The following CELA1 variants were observed in gnomAD, a reference collection of about 807,000 sequenced individuals.
CELA1 encodes the protein chymotrypsin-like elastase family member 1.
A neutral mutation model predicts 34.8 loss-of-function variants in CELA1; 28 were observed. The observed-to-expected ratio is 0.80, with a 90% CI of 0.60 to 1.10. The LOEUF (loss-of-function observed/expected upper bound fraction) is 1.10. Among genes scored for constraint, CELA1 ranks in the 50% least tolerant of loss-of-function variants. The probability of loss-of-function intolerance (pLI) is 0.00; values close to 1 mark genes in which losing one functional copy is unlikely to be tolerated. For synonymous variants in CELA1, 140 were observed against 129.8 expected (o/e 1.08, Z -0.53); for missense variants, 288 against 327.5 (o/e 0.88, Z 0.93).
At chr12:51,342,062 CAG>C (rs1264180804) in intron 4 of CELA1, among the ~76,000 whole-genome samples, 1 of 152,284 alleles carries the variant, frequency 6.6e-6, no homozygotes, top group African/African-American at 2.4e-5. Context: ...TCTTATGAGA[CAG>C]AGTCTCACTC....
intron 2 of CELA1, among the ~76,000 whole-genome samples, chr12:51,344,390 C>T (rs1946554298): frequency 6.6e-6 from 1 of 152,218 alleles, no homozygotes; most frequent in Non-Finnish European, 1.5e-5. Context: ...TACCTCTGTT[C>T]TCCCTTAAAG....
intron 6 of CELA1, among the ~76,000 whole-genome samples, chr12:51,338,248 A>G (rs2137479583): frequency 8.3e-6 from 1 of 119,782 alleles, no homozygotes; most frequent in South Asian, 2.8e-4. Flanking sequence ...AGGAAAAAAA[A>G]AAAACATACA....
chr12:51,340,308 T>C (rs1946525885), intron 5 of CELA1, among the ~76,000 whole-genome samples: 1 of 152,128 alleles, frequency 6.6e-6, no homozygotes, highest in African/African-American at 2.4e-5. Flanking sequence ...GTGGATGATT[T>C]ATCTGTCTGT....
At chr12:51,336,803 G>A (rs777960737) in intron 6 of CELA1, among the ~76,000 whole-genome samples, 4 of 152,186 alleles carry the variant, frequency 2.6e-5, no homozygotes, top group Admixed American at 6.5e-5. Context: ...ATGCTTGGCT[G>A]TTGTTCCAGA....
chr12:51,341,958 AG>A (rs1218481756), intron 4 of CELA1, among the ~76,000 whole-genome samples: 1 of 152,212 alleles, frequency 6.6e-6, no homozygotes, highest in Non-Finnish European at 1.5e-5. Flanking sequence ...AAATCTGCAG[AG>A]AATGGTAATC....
chr12:51,344,075 C>T (rs1946552984), intron 2 of CELA1, among the ~76,000 whole-genome samples: 1 of 152,204 alleles, frequency 6.6e-6, no homozygotes, highest in South Asian at 2.1e-4. Flanking sequence ...CCTCAAACTA[C>T]ATGTCACCTC....
intron 3 of CELA1, 112 bp from the exon 4 acceptor site, chr12:51,342,812 ATTTTT>A: frequency 2.0e-6 from 2 of 990,914 alleles, no homozygotes; most frequent in Non-Finnish European, 2.7e-6. Flanking sequence ...TATTTAGGAA[ATTTTT>A]TTTTTTTTTT....
At chr12:51,332,390 C>T (rs1385411194) in intron 6 of CELA1, among the ~76,000 whole-genome samples, 1 of 134,850 alleles carries the variant, frequency 7.4e-6, no homozygotes, top group Non-Finnish European at 1.6e-5. Flanking sequence ...AAGAGAATCA[C>T]ATCTGCCATA....
rs779933985 is a variant in CELA1, at chr12:51,329,679, C to T, written c.759+5G>A. On this transcript the variant is annotated splice_donor_5th_base_variant and intron_variant, in intron 7 of 7. Transcript: ENST00000293636. ...CATTTCAACCCATCATTTGAGAGGA[C>T]TCACATTATTTATCCAGGAGATGTA... 5 of 1,605,626 alleles carry T rather than the reference C, an allele frequency of 3.1e-6. No homozygotes were observed. The East Asian group carries it at 1.1e-4, about 36-fold the overall frequency.
At chr12:51,336,035 A>G (rs1946498230) in intron 6 of CELA1, among the ~76,000 whole-genome samples, 1 of 152,196 alleles carries the variant, frequency 6.6e-6, no homozygotes, top group Admixed American at 6.5e-5. Context: ...ACAATTGCCA[A>G]AGTGGCCACT....
chr12:51,334,525 C>G (rs965968834), intron 6 of CELA1, among the ~76,000 whole-genome samples: 15 of 152,156 alleles, frequency 9.9e-5, no homozygotes, highest in Non-Finnish European at 8.8e-5. Context: ...GCTCCACCTC[C>G]CCGGTTCACA....
At chr12:51,334,000 G>A (rs1946486812) in intron 6 of CELA1, among the ~76,000 whole-genome samples, 1 of 152,186 alleles carries the variant, frequency 6.6e-6, no homozygotes, top group South Asian at 2.1e-4. Flanking sequence ...GATTGAAATG[G>A]GAGGTTCTAA....
chr12:51,339,807 G>T, intron 6 of CELA1, 53 bp downstream of exon 6: 2 of 1,581,898 alleles, frequency 1.3e-6, no homozygotes, highest in Non-Finnish European at 1.7e-6. Flanking sequence ...GAGGGGTGGA[G>T]GGATAGGCAG....
intron 5 of CELA1, among the ~76,000 whole-genome samples, chr12:51,340,929 C>T (rs1341652846): frequency 2.0e-5 from 3 of 152,080 alleles, no homozygotes; most frequent in Non-Finnish European, 4.4e-5. Context: ...ATCACTTGAG[C>T]CCAGGAAGTG....
intron 6 of CELA1, among the ~76,000 whole-genome samples, chr12:51,338,287 C>CACACAT (rs1366687008): frequency 3.0e-4 from 37 of 124,306 alleles, no homozygotes; most frequent in African/African-American, 1.0e-3. Context: ...CACACACACA[C>CACACAT]ATACACATAC....
In CELA1 at chr12:51,329,714, C is replaced by T. The variant is rs143751619; in HGVS notation, c.729G>A (p.Gln243=). The change falls in exon 7 of 8, where the codon CAG becomes CAA. Residue 243 remains glutamine (Q), a synonymous_variant. Transcript: ENST00000293636. ...NVSRKPTVFT[Q]VSAYISWINN... ...TTATCCAGGAGATGTAAGCAGAGACCTGGGTGAAGACTGTAGGCTTCCTGG... is the reference window on the plus strand; with the variant it reads ...TTATCCAGGAGATGTAAGCAGAGACTTGGGTGAAGACTGTAGGCTTCCTGG... The T allele has an allele frequency of 2.7e-5, 43 of 1,613,484 alleles. No homozygotes were observed. In the African/African-American group the frequency reaches 4.8e-4, roughly 18 times the overall value.
At position 51,345,825 on chromosome 12, in the gene CELA1, A is replaced by G. The variant is rs1439156365; in HGVS notation, c.69T>C (p.Thr23=). ...AGGGCCAGGAATTCCTCCCGGCCTCAGTCCCTCCGACTACGCGGGCATTGG... is the reference window on the plus strand; with the variant it reads ...AGGGCCAGGAATTCCTCCCGGCCTCGGTCCCTCCGACTACGCGGGCATTGG... ...PETNARVVGG[T]EAGRNSWPSQ... Residue 23 remains threonine (T), a synonymous_variant, in exon 2 of 8, where the codon ACT becomes ACC. Coordinates refer to ENST00000293636, the MANE Select transcript of CELA1 (RefSeq NM_001971.6). 3 of 1,558,826 alleles carry G rather than the reference A, an allele frequency of 1.9e-6. No individual in the cohort carries two copies. Among genetic ancestry groups the G allele is most frequent in the Non-Finnish European group, 1.7e-6 (2 of 1,150,574 alleles).
At chr12:51,335,819 T>C (rs1298900348) in intron 6 of CELA1, among the ~76,000 whole-genome samples, 3 of 151,888 alleles carry the variant, frequency 2.0e-5, no homozygotes, top group African/African-American at 7.3e-5. Flanking sequence ...AAAATTTTCA[T>C]AGAGATGAAG....
At chr12:51,340,785 T>A (rs1946529472) in intron 5 of CELA1, among the ~76,000 whole-genome samples, 1 of 152,080 alleles carries the variant, frequency 6.6e-6, no homozygotes, top group Admixed American at 6.5e-5. Context: ...GTGGGAGGAT[T>A]TCTTAAGCTC....
Sources: gnomAD v4.1 joint callset for allele counts (sites outside exome capture counted in the v4.1 genomes callset) on GRCh38, gnomAD v4.1.1 for gene constraint, MANE v1.5 for transcripts, NCBI Gene and HGNC (gene_info 2026-07-23, HGNC 2026-07-21) for gene names.